Variants in MYLK4 observed in about 807,000 individuals in gnomAD.
MYLK4 encodes myosin light chain kinase family member 4, also known as caMLCK like.
Under a neutral mutation model 48.1 loss-of-function variants are expected in MYLK4, and 46 were observed. The observed-to-expected ratio is 0.96, with a 90% CI of 0.75 to 1.22. The LOEUF (loss-of-function observed/expected upper bound fraction) is 1.22, where lower values mean the gene tolerates loss of function less well. Ranked by LOEUF, MYLK4 falls within the 50% of genes most tolerant of loss-of-function variation. The pLI is 0.00. For missense variants in MYLK4, 451 were observed against 486.1 expected (o/e 0.93, Z 0.68); for synonymous variants, 170 against 180.8 (o/e 0.94, Z 0.48).
chr6:2,689,521 C>T (rs902070879), intron 3 of MYLK4, among the ~76,000 whole-genome samples: 3 of 152,114 alleles, frequency 2.0e-5, no homozygotes, highest in African/African-American at 7.2e-5. Context: ...CCCAATAAAA[C>T]CAGGTAAGTG....
chr6:2,691,751 C>T (rs896795387), intron 3 of MYLK4, among the ~76,000 whole-genome samples: 1 of 152,038 alleles, frequency 6.6e-6, no homozygotes, highest in African/African-American at 2.4e-5. Flanking sequence ...CTTTGTCTAC[C>T]AGTTGGTAGA....
chr6:2,757,522 A>G, the MYLK4 span, among the ~76,000 whole-genome samples: 1 of 152,188 alleles, frequency 6.6e-6, no homozygotes, highest in African/African-American at 2.4e-5. Context: ...ATTATCTCTG[A>G]AGATATCATC....
At chr6:2,683,638 C>T (rs1170153612) in intron 6 of MYLK4, among the ~76,000 whole-genome samples, 3 of 152,100 alleles carry the variant, frequency 2.0e-5, no homozygotes, top group African/African-American at 4.8e-5. Context: ...AGGCTGGTTT[C>T]GAACTCCTGA....
intron 2 of MYLK4, among the ~76,000 whole-genome samples, chr6:2,726,303 G>A (rs1260541567): frequency 6.6e-6 from 1 of 152,234 alleles, no homozygotes; most frequent in Non-Finnish European, 1.5e-5. Flanking sequence ...GATGTAGTAG[G>A]TGAGAGGAGA....
intron 2 of MYLK4, among the ~76,000 whole-genome samples, chr6:2,697,016 G>A (rs1466247760): frequency 6.6e-6 from 1 of 152,240 alleles, no homozygotes; most frequent in African/African-American, 2.4e-5. Flanking sequence ...TCAAGATTAC[G>A]CCACTGCACT....
chr6:2,770,336 A>T, the MYLK4 span: 1 of 1,614,058 alleles, frequency 6.2e-7, no homozygotes, highest in African/African-American at 1.3e-5. Context: ...TGACCCTCTG[A>T]GCCACAGCAG....
intron 2 of MYLK4, among the ~76,000 whole-genome samples, chr6:2,744,770 C>A (rs551616769): frequency 1.3e-5 from 2 of 152,164 alleles, no homozygotes; most frequent in African/African-American, 2.4e-5. Context: ...ACCCCCACAG[C>A]TTTGGGATAC....
the MYLK4 span, among the ~76,000 whole-genome samples, chr6:2,764,902 C>A: frequency 3.9e-5 from 6 of 152,210 alleles, no homozygotes; most frequent in East Asian, 1.2e-3. Context: ...ATTTTTTCTG[C>A]TGTTCACGTC....
In MYLK4 at chr6:2,685,176, C is replaced by CA; in HGVS notation, c.545+119dup. On this transcript the variant is annotated intron_variant, in intron 6 of 12. Transcript: ENST00000274643. This position sits in a 1 kb window ranked among gnomAD's most constrained non-coding sequence, Gnocchi z 4.5. ...ATGTGATTGTGTGATCCGCGCGAAT[C>CA]AGAGTCTGCGGGGGCGAGCTTGGTT... 1 of 712,720 alleles carries CA rather than the reference C, an allele frequency of 1.4e-6. No individual in the cohort carries two copies. The highest frequency in any genetic ancestry group is 1.6e-5 in the South Asian group (1 of 62,100). 44.1% of individuals were successfully genotyped at this position (712,720 alleles called of 1,614,324 possible). A position where few individuals can be genotyped will look rare whatever the true frequency, so the allele number is the denominator to read the frequency against.
intron 2 of MYLK4, among the ~76,000 whole-genome samples, chr6:2,748,883 C>A (rs1416932232): frequency 6.6e-6 from 1 of 152,248 alleles, no homozygotes; most frequent in Non-Finnish European, 1.5e-5. Context: ...TTCATTTCTG[C>A]AAGCTGGCTG....
intron 4 of MYLK4, among the ~76,000 whole-genome samples, chr6:2,688,402 T>C (rs1038982537): frequency 6.6e-6 from 1 of 152,240 alleles, no homozygotes. Flanking sequence ...TAAATGTCCC[T>C]AAAATAAGTT....
chr6:2,700,277 G>A (rs1762237576), intron 2 of MYLK4, among the ~76,000 whole-genome samples: 1 of 152,096 alleles, frequency 6.6e-6, no homozygotes, highest in Non-Finnish European at 1.5e-5. Flanking sequence ...AACCATCTGG[G>A]GATGTTGGAC....
chr6:2,765,637 G>A, the MYLK4 span: 50 of 1,540,530 alleles, frequency 3.2e-5, no homozygotes, highest in Middle Eastern at 4.1e-4. Flanking sequence ...AGGTGAGCGG[G>A]CCGGAAGACG....
intron 12 of MYLK4, 150 bp downstream of exon 12, chr6:2,671,126 G>C (rs1026813993): frequency 3.4e-6 from 2 of 593,054 alleles, no homozygotes; most frequent in East Asian, 2.9e-5. Flanking sequence ...GAGGCAGGGT[G>C]CAAACACAGC....
intron 2 of MYLK4, among the ~76,000 whole-genome samples, chr6:2,730,187 C>T (rs1424679279): frequency 1.3e-5 from 2 of 152,188 alleles, no homozygotes; most frequent in African/African-American, 4.8e-5. Context: ...GCGTGTGCTC[C>T]CTTGGCCAAA....
At chr6:2,678,126 G>T (rs913879827) in intron 10 of MYLK4, 94 bp downstream of exon 10, 8 of 1,452,094 alleles carry the variant, frequency 5.5e-6, no homozygotes, top group Non-Finnish European at 7.5e-6. Flanking sequence ...CATCACAGAT[G>T]TTAGTAAGAG....
At chr6:2,746,609 C>T (rs1764101790) in intron 2 of MYLK4, among the ~76,000 whole-genome samples, 1 of 152,130 alleles carries the variant, frequency 6.6e-6, no homozygotes, top group South Asian at 2.1e-4. Flanking sequence ...TTTCATGTCA[C>T]CAGAGTCTGA....
chr6:2,735,551 C>T (rs1410046697), intron 2 of MYLK4, among the ~76,000 whole-genome samples: 1 of 152,154 alleles, frequency 6.6e-6, no homozygotes, highest in Non-Finnish European at 1.5e-5. Flanking sequence ...ATAACTAGTA[C>T]ACAATTGAGA....
chr6:2,690,104 T>G (rs1341335843), intron 3 of MYLK4, among the ~76,000 whole-genome samples: 1 of 152,158 alleles, frequency 6.6e-6, no homozygotes, highest in Admixed American at 6.5e-5. Flanking sequence ...TGGAGAAGGT[T>G]AAAAAGCCTT....
Sources: allele counts gnomAD v4.1 joint callset (sites outside exome capture counted in the v4.1 genomes callset), GRCh38; gene constraint gnomAD v4.1.1; non-coding constraint Gnocchi (gnomAD v3.1); transcripts MANE v1.5; gene names NCBI Gene and HGNC (gene_info 2026-07-23, HGNC 2026-07-21).